Variants in PTPRF observed in about 807,000 individuals in gnomAD.
PTPRF encodes receptor-type tyrosine-protein phosphatase F.
A neutral mutation model predicts 201.8 loss-of-function variants in PTPRF; 59 were observed. That is an observed-to-expected ratio of 0.29 (90% CI 0.24 to 0.36). The LOEUF (loss-of-function observed/expected upper bound fraction) is 0.36, where lower values mean the gene tolerates loss of function less well. PTPRF is among the 10% of genes least tolerant of loss of function. The pLI, the probability that PTPRF is intolerant of heterozygous loss-of-function variation, is 1.00. For synonymous variants in PTPRF, 1,088 were observed against 1,089.7 expected, an observed-to-expected ratio of 1.00 and a Z score of 0.03; for missense variants, 2,132 against 2,690.5, an observed-to-expected ratio of 0.79 and a Z score of 4.59.
Position 43,591,958 on chromosome 1 carries a change from G to C in PTPRF, c.1668+10G>C, listed in dbSNP as rs201946505. The C allele has an allele frequency of 1.0e-3, 1,683 of 1,613,234 alleles. 11 individuals carry two copies. The Middle Eastern group carries it at 0.016, about 15-fold the overall frequency. On this transcript the variant is annotated intron_variant, in intron 10 of 33. Coordinates refer to ENST00000359947, the MANE Select transcript of PTPRF (RefSeq NM_002840.5). ...GGACGAAGACCAACAGGTGTGCAGCGGGCAGAGAAGCACTGAGGGGGTCTC... is the reference window on the plus strand; with the variant it reads ...GGACGAAGACCAACAGGTGTGCAGCCGGCAGAGAAGCACTGAGGGGGTCTC...
At chr1:43,595,348 G>T (rs1231202184) in intron 11 of PTPRF, among the ~76,000 whole-genome samples, 1 of 152,134 alleles carries the variant, frequency 6.6e-6, no homozygotes, top group Non-Finnish European at 1.5e-5. Context: ...CCGAGTAGCT[G>T]GGTTTATAGG....
chr1:43,569,769 C>A lies in PTPRF; in HGVS notation c.559C>A (p.Leu187Met). 1 of 1,610,292 alleles carries A rather than the reference C, an allele frequency of 6.2e-7. No individual in the cohort carries two copies. Among genetic ancestry groups the A allele is most frequent in the South Asian group, 1.1e-5 (1 of 90,600 alleles). Residue 187 changes from leucine (L) to methionine (M), a missense_variant, in exon 6 of 34, where the codon CTG becomes ATG. Physicochemically the swap from Leu to Met is conservative, Grantham distance 15. Around this residue, in one of 6 missense-constraint regions of PTPRF, gnomAD observed 297 missense variants for 454.0 expected, o/e 0.65. Transcript: ENST00000359947. ...PATSNGRIKQLRSGALQIESS... is the reference protein window; with the variant it reads ...PATSNGRIKQMRSGALQIESS... The stretch of plus-strand genomic sequence containing the variant: ...CACGAGCAACGGCCGCATCAAGCAG[C>A]TGCGTTCAGGTGAGCAGAGGGCAGG...
intron 7 of PTPRF, chr1:43,579,246 A>G: frequency 1.8e-6 from 1 of 559,668 alleles, no homozygotes; most frequent in Non-Finnish European, 3.5e-6. Flanking sequence ...GTGTATGTGC[A>G]TGTGTGTGTG....
At chr1:43,525,436 G>A (rs115200862), upstream of PTPRF, among the ~76,000 whole-genome samples, 1,458 of 152,304 alleles carry the variant, frequency 9.6e-3, 23 homozygotes, top group African/African-American at 0.033. Flanking sequence ...AGGCCACTGA[G>A]GAGTACACTA....
At chr1:43,587,756 C>G (rs1419193482) in intron 7 of PTPRF, among the ~76,000 whole-genome samples, 1 of 152,210 alleles carries the variant, frequency 6.6e-6, no homozygotes, top group Non-Finnish European at 1.5e-5. Context: ...TGCTCACCAG[C>G]TGCATGGCCC....
At position 43,621,081 on chromosome 1, in the gene PTPRF, C is replaced by A. The variant is rs1196657911; in HGVS notation, c.5520-16C>A. The A allele has an allele frequency of 6.2e-7, 1 of 1,613,044 alleles. No homozygotes were observed. The highest frequency in any genetic ancestry group is 1.7e-5 in the Admixed American group (1 of 59,968). ...GAGGCAAGCAGGACTCCTGACCCAA[C>A]TGTGTTTCTGAGCAGTGCTGGCGTG... On this transcript the variant is annotated splice_polypyrimidine_tract_variant and intron_variant, in intron 32 of 33. Transcript: ENST00000359947.
rs1658944954 is a variant in PTPRF at position 43,620,468 on chromosome 1, G to A, written c.5253G>A (p.Gln1751=). ...LREMGREKCH[Q]YWPAERSARY... ...TCTGTCCACAGGAGAAATGCCACCA[G>A]TACTGGCCAGCAGAGCGCTCTGCTC... Residue 1751 remains glutamine, a synonymous_variant, in exon 31 of 34, where the codon CAG becomes CAA. Transcript: ENST00000359947. The A allele has an allele frequency of 6.2e-7, 1 of 1,612,652 alleles. No individual in the cohort carries two copies. Among genetic ancestry groups the A allele is most frequent in the Non-Finnish European group, 8.5e-7 (1 of 1,178,806 alleles).
Position 43,537,303 on chromosome 1 carries a change from G to A in PTPRF, c.-125-895G>A, listed in dbSNP as rs1319418765. ...GTGCCAGCGGAGGAGGCATCCAGGG[G>A]CACGCCTTCATTTTAAAAATTATAG... On this transcript the variant is annotated intron_variant, in intron 1 of 33. Transcript: ENST00000359947. The surrounding 1 kb of genome is among the most constrained non-coding windows in gnomAD (Gnocchi z 4.8). 6.6e-6 allele frequency among the ~76,000 whole-genome samples: 1 copy of A among 152,220 alleles called. No homozygotes were observed. The highest frequency in any genetic ancestry group is 1.5e-5 in the Non-Finnish European group (1 of 68,036).
intron 22 of PTPRF, among the ~76,000 whole-genome samples, chr1:43,612,116 G>A (rs1280378517): frequency 6.6e-6 from 1 of 152,200 alleles, no homozygotes; most frequent in Non-Finnish European, 1.5e-5. Context: ...CAGTGTCCCT[G>A]ATGCCAGGGT....
At chr1:43,575,239 G>A (rs527430255) in intron 6 of PTPRF, among the ~76,000 whole-genome samples, 18 of 152,220 alleles carry the variant, frequency 1.2e-4, no homozygotes, top group Non-Finnish European at 2.2e-4. Context: ...GGGTTATGAG[G>A]TGCTAGACAG....
rs759104730 is a variant in PTPRF, at chr1:43,578,853, G to C, written c.612G>C (p.Lys204Asn). The C allele has an allele frequency of 6.2e-7, 1 of 1,614,210 alleles. No homozygotes were observed. Among genetic ancestry groups the C allele is most frequent in the Non-Finnish European group, 8.5e-7 (1 of 1,180,018 alleles). ...IESSEESDQG[K>N]YECVATNSAG... Reference sequence around the variant, plus strand: ...GCAGTGAGGAATCCGACCAAGGCAAGTACGAGTGTGTGGCGACCAACTCGG... The same window carrying C: ...GCAGTGAGGAATCCGACCAAGGCAACTACGAGTGTGTGGCGACCAACTCGG... The change falls in exon 7 of 34, where the codon AAG becomes AAC. Residue 204 changes from lysine (K) to asparagine (N), a missense_variant. This residue lies in a region of PTPRF where 297 missense variants were observed against 454.0 expected (regional missense o/e 0.65). Transcript: ENST00000359947.
chr1:43,532,882 CCA>C (rs1474118607), intron 1 of PTPRF, among the ~76,000 whole-genome samples: 1 of 152,140 alleles, frequency 6.6e-6, no homozygotes, highest in Non-Finnish European at 1.5e-5. Flanking sequence ...CCCTCCACCC[CCA>C]CACACACTCC....
intron 3 of PTPRF, among the ~76,000 whole-genome samples, chr1:43,549,949 C>T (rs946975256): frequency 3.3e-5 from 5 of 152,246 alleles, no homozygotes; most frequent in African/African-American, 9.6e-5. Flanking sequence ...ACATCAGGCC[C>T]GTTGGTAGCT....
chr1:43,577,319 C>T (rs1646993437), intron 6 of PTPRF, among the ~76,000 whole-genome samples: 1 of 152,226 alleles, frequency 6.6e-6, no homozygotes, highest in South Asian at 2.1e-4. Context: ...CTGTTGGGTG[C>T]CCATCAGGGC....
At chr1:43,587,577 T>C (rs1649478103) in intron 7 of PTPRF, among the ~76,000 whole-genome samples, 1 of 152,170 alleles carries the variant, frequency 6.6e-6, no homozygotes, top group Admixed American at 6.5e-5. Context: ...GTGCTTATAG[T>C]GGAGATGCTC....
chr1:43,576,249 T>TC (rs1389129732), intron 6 of PTPRF, among the ~76,000 whole-genome samples: 1 of 152,332 alleles, frequency 6.6e-6, no homozygotes, highest in East Asian at 1.9e-4. Flanking sequence ...ACTTAGCCTG[T>TC]CCCCCGGCTT....
chr1:43,568,478 C>T (rs568891954), intron 5 of PTPRF, among the ~76,000 whole-genome samples: 7 of 152,220 alleles, frequency 4.6e-5, no homozygotes, highest in South Asian at 2.1e-4. Flanking sequence ...TCAGATGCTC[C>T]GCAACACCTT....
At position 43,590,995 on chromosome 1, in the gene PTPRF, C is replaced by G. The variant is rs755526598; in HGVS notation, c.973C>G (p.Leu325Val). 6.2e-7 allele frequency: 1 copy of G among 1,612,568 alleles called. No individual in the cohort carries two copies. The highest frequency in any genetic ancestry group is 1.1e-5 in the South Asian group (1 of 91,068). ...VKALPKPPID[L>V]VVTETTATSV... is the part of the protein sequence containing the mutation. Reference sequence around the variant, plus strand: ...AGCTCTTCCAAAGCCTCCGATTGATCTTGTGGTGACAGAGACAACTGCCAC... The same window carrying G: ...AGCTCTTCCAAAGCCTCCGATTGATGTTGTGGTGACAGAGACAACTGCCAC... Residue 325 changes from leucine (L) to valine (V), a missense_variant, in exon 9 of 34, where the codon CTT (leucine) becomes GTT (valine). Physicochemically the swap from Leu to Val is conservative, Grantham distance 32. This residue lies in a region of PTPRF where 297 missense variants were observed against 454.0 expected (regional missense o/e 0.65). Coordinates refer to ENST00000359947, the MANE Select transcript of PTPRF (RefSeq NM_002840.5).
chr1:43,567,211 C>G (rs1366638072), intron 5 of PTPRF, among the ~76,000 whole-genome samples: 1 of 152,066 alleles, frequency 6.6e-6, no homozygotes, highest in Non-Finnish European at 1.5e-5. Flanking sequence ...CCCCGAGTGT[C>G]CCCAGGTGTT....
Sources: gnomAD v4.1 joint callset for allele counts (sites outside exome capture counted in the v4.1 genomes callset) on GRCh38, gnomAD v4.1.1 for gene constraint, gnomAD v4.1.1 regional missense constraint, Gnocchi (gnomAD v3.1) non-coding constraint, MANE v1.5 for transcripts, NCBI Gene and HGNC (gene_info 2026-07-23, HGNC 2026-07-21) for gene names.